NPC1: variants seen among roughly 807,000 people sequenced by gnomAD.
NPC1 encodes NPC intracellular cholesterol transporter 1.
In NPC1, 85 loss-of-function variants were observed where a neutral mutation model predicts 140.4. That is an observed-to-expected ratio of 0.61 (90% CI 0.51 to 0.72). The LOEUF (loss-of-function observed/expected upper bound fraction) is 0.72, where lower values mean the gene tolerates loss of function less well. Among genes scored for constraint, NPC1 ranks in the 30% least tolerant of loss-of-function variants. NPC1 has a pLI of 0.00. For missense variants in NPC1, 1,504 were observed against 1,623.8 expected (o/e 0.93, Z 1.27); for synonymous variants, 656 against 624.8 (o/e 1.05, Z -0.74).
intron 5 of NPC1, 121 bp from the exon 6 acceptor site, chr18:23,560,601 A>C: frequency 9.3e-7 from 1 of 1,074,190 alleles, no homozygotes; most frequent in Non-Finnish European, 1.3e-6. Flanking sequence ...AAGAAAAAGA[A>C]TTGGAGGTTT....
rs144469784 is a variant in NPC1, at chr18:23,557,230, A to T, written c.882-40T>A. 4.9e-3 allele frequency: 7,314 copies of T among 1,488,830 alleles called. 22 individuals carry two copies. Among genetic ancestry groups the T allele is most frequent in the Non-Finnish European group, 6.1e-3 (6,505 of 1,071,604 alleles). The allele number at this position is 1,488,830 out of a possible 1,614,324, so 92.2% of individuals were successfully genotyped here. On this transcript the variant is annotated intron_variant, in intron 6 of 24. Transcript: ENST00000269228. ...TGAAGAAATAGCATTAGTGGACTTC[A>T]TCACAGTGAGGTTGTTTTTGGGACA...
intron 9 of NPC1, among the ~76,000 whole-genome samples, chr18:23,554,197 G>A (rs771415863): frequency 2.6e-5 from 4 of 152,030 alleles, no homozygotes; most frequent in South Asian, 2.1e-4. Context: ...ACATCTCCAC[G>A]CTTAAGCAAT....
chr18:23,577,070 C>G (rs1195898310), intron 1 of NPC1: 2 of 152,096 alleles, frequency 1.3e-5, no homozygotes, highest in Non-Finnish European at 2.9e-5. Flanking sequence ...AATCCCTGAG[C>G]TAGATACAAA....
chr18:23,532,819 A>G (rs1462137860), intron 24 of NPC1: 8 of 934,216 alleles, frequency 8.6e-6, no homozygotes, highest in Non-Finnish European at 8.9e-6. Context: ...GCTTCAATTT[A>G]GTGACAAAGC....
intron 3 of NPC1, chr18:23,509,262 G>A (rs755127086): frequency 2.1e-6 from 3 of 1,442,348 alleles, no homozygotes; most frequent in African/African-American, 1.5e-5. Flanking sequence ...AACAGATCAA[G>A]GAATCGAATT....
chr18:23,534,385 C>G, intron 23 of NPC1, 61 bp downstream of exon 23: 1 of 1,111,552 alleles, frequency 9.0e-7, no homozygotes, highest in Non-Finnish European at 1.4e-6. Context: ...ACTCTTCAGT[C>G]ACTGAGGAGG....
intron 10 of NPC1, among the ~76,000 whole-genome samples, chr18:23,549,761 G>C (rs1323382067): frequency 3.3e-5 from 4 of 121,550 alleles, no homozygotes; most frequent in Non-Finnish European, 6.5e-5. Flanking sequence ...TTTTTTTTAA[G>C]ACGGAGTCTT....
At chr18:23,548,231 T>C in intron 10 of NPC1, 123 bp from the exon 11 acceptor site, 1 of 720,216 alleles carries the variant, frequency 1.4e-6, no homozygotes, top group Non-Finnish European at 2.5e-6. Context: ...CTCTGGGCTC[T>C]AAGAATTAAA....
At position 23,548,040 on chromosome 18, in the gene NPC1, C is replaced by G. The variant is rs767236379; in HGVS notation, c.1723G>C (p.Glu575Gln). Residue 575 changes from glutamate (E) to glutamine (Q), a missense_variant, in exon 11 of 25, where the codon GAG (glutamate) becomes CAG (glutamine). By Grantham distance (29) the Glu-to-Gln change is conservative. Transcript: ENST00000269228. ...FPVNNYYNDTEKLQRAQAWEK... is the reference protein window; with the variant it reads ...FPVNNYYNDTQKLQRAQAWEK... Reference sequence around the variant, plus strand: ...CAGGCCTGGGCCCTCTGGAGCTTCTCTGTATCATTATAGTAATTATTGACA... The same window carrying G: ...CAGGCCTGGGCCCTCTGGAGCTTCTGTGTATCATTATAGTAATTATTGACA... 6.2e-7 allele frequency: 1 copy of G among 1,611,310 alleles called. No individual in the cohort carries two copies. The highest frequency in any genetic ancestry group is 8.5e-7 in the Non-Finnish European group (1 of 1,177,590).
At chr18:23,536,058 G>T (rs1361923131) in intron 21 of NPC1, among the ~76,000 whole-genome samples, 1 of 152,254 alleles carries the variant, frequency 6.6e-6, no homozygotes, top group South Asian at 2.1e-4. Flanking sequence ...GGCTCAGCGG[G>T]GTCCGTGCAA....
In NPC1 at chr18:23,535,561, C is replaced by T; in HGVS notation, c.3385G>A (p.Ala1129Thr). 6.2e-7 allele frequency: 1 copy of T among 1,614,126 alleles called. No homozygotes were observed. Reference sequence around the variant, plus strand: ...TTGACCAAGACCATGGCGATGGTGGCACACATGATGACTGCAGACCAGAGC... The same window carrying T: ...TTGACCAAGACCATGGCGATGGTGGTACACATGATGACTGCAGACCAGAGC... Reference protein sequence around the residue: ...CELWSAVIMCATIAMVLVNMF... With the variant: ...CELWSAVIMCTTIAMVLVNMF... The change falls in exon 22 of 25, where the codon GCC becomes ACC. Residue 1129 changes from alanine (A) to threonine (T), a missense_variant. Ala to Thr is a moderately conservative substitution (Grantham distance 58, BLOSUM62 0). Transcript: ENST00000269228.
At chr18:23,583,099 C>G (rs182979021) in intron 1 of NPC1, among the ~76,000 whole-genome samples, 4 of 102,964 alleles carry the variant, frequency 3.9e-5, no homozygotes, top group African/African-American at 1.3e-4. Flanking sequence ...AGTGCAAGAC[C>G]CTGTTTCAAA....
chr18:23,566,942 T>C (rs2059134456), intron 4 of NPC1, among the ~76,000 whole-genome samples: 1 of 152,242 alleles, frequency 6.6e-6, no homozygotes, highest in Non-Finnish European at 1.5e-5. Context: ...AGTAGTCTTT[T>C]CAGATTGGCT....
downstream of NPC1, among the ~76,000 whole-genome samples, chr18:23,521,020 A>C (rs2058128723): frequency 6.6e-6 from 1 of 151,338 alleles, no homozygotes; most frequent in Admixed American, 6.6e-5. Context: ...GCCTGGCCCA[A>C]ATTTTTATAT....
chr18:23,556,294 CG>C lies in NPC1; in HGVS notation c.1274del (p.Ser425TrpfsTer24), dbSNP rs769595220. 1 of 1,614,052 alleles carries C rather than the reference CG, an allele frequency of 6.2e-7. No individual in the cohort carries two copies. Among genetic ancestry groups the C allele is most frequent in the South Asian group, 1.1e-5 (1 of 91,068 alleles). ...GAGGTCCAAAGGGTACATCAGCTCC[CG>C]AAGGGTATGGCTGGTAAATGTGTTT... ...TDKHIYQPYP[S>X]GADVPFGPPL... On this transcript the variant is annotated frameshift_variant, in exon 8 of 25. Coordinates refer to ENST00000269228, the MANE Select transcript of NPC1 (RefSeq NM_000271.5). LOFTEE classifies it high-confidence loss of function.
chr18:23,510,029 A>AG (rs1399913526), intron 3 of NPC1, among the ~76,000 whole-genome samples: 1 of 150,772 alleles, frequency 6.6e-6, no homozygotes, highest in Non-Finnish European at 1.5e-5. Flanking sequence ...TAAAAAAAAA[A>AG]AAAAGAAAAG....
At chr18:23,550,475 A>ATTTTTTT (rs1491268509) in intron 10 of NPC1, among the ~76,000 whole-genome samples, 2 of 53,502 alleles carry the variant, frequency 3.7e-5, no homozygotes, top group African/African-American at 9.8e-5. Flanking sequence ...CAGTTCTTAC[A>ATTTTTTT]TTTCTTTTTT....
At chr18:23,519,892 G>A (rs1293218832), downstream of NPC1, among the ~76,000 whole-genome samples, 1 of 152,160 alleles carries the variant, frequency 6.6e-6, no homozygotes. Context: ...CCAGAGGGTG[G>A]TGACGCTAAC....
At chr18:23,537,356 T>G (rs1005282757) in intron 20 of NPC1, among the ~76,000 whole-genome samples, 1 of 152,186 alleles carries the variant, frequency 6.6e-6, no homozygotes, top group Non-Finnish European at 1.5e-5. Flanking sequence ...GGATTACAGG[T>G]GTGAGCCACT....
Sources: gnomAD v4.1 joint callset for allele counts (sites outside exome capture counted in the v4.1 genomes callset) on GRCh38, gnomAD v4.1.1 for gene constraint, MANE v1.5 for transcripts, NCBI Gene and HGNC (gene_info 2026-07-23, HGNC 2026-07-21) for gene names.